The following FOXN2 variants were observed in gnomAD, a reference collection of about 807,000 sequenced individuals.
FOXN2 encodes forkhead box N2, also known as forkhead box protein N2.
In FOXN2, 19 loss-of-function variants were observed where a neutral mutation model predicts 41.2. That is an observed-to-expected ratio of 0.46 (90% CI 0.32 to 0.68). The LOEUF (loss-of-function observed/expected upper bound fraction) is 0.68. FOXN2 is among the 30% of genes least tolerant of loss of function. The pLI is 0.03. For missense variants in FOXN2, 587 were observed against 509.4 expected, an observed-to-expected ratio of 1.15 and a Z score of -1.47; for synonymous variants, 195 against 176.8, an observed-to-expected ratio of 1.10 and a Z score of -0.82.
intron 5 of FOXN2, among the ~76,000 whole-genome samples, chr2:48,367,156 A>G (rs1424990976): frequency 6.6e-6 from 1 of 152,190 alleles, no homozygotes; most frequent in Non-Finnish European, 1.5e-5. Context: ...ATTGTATAAT[A>G]GATAGCAGGA....
At chr2:48,371,692 A>T (rs773303924) in intron 5 of FOXN2, among the ~76,000 whole-genome samples, 43 of 152,076 alleles carry the variant, frequency 2.8e-4, no homozygotes, top group Admixed American at 1.6e-3. Flanking sequence ...TGGAGGTAGT[A>T]TTGTCATTTT....
At chr2:48,333,051 G>A (rs185973988) in intron 2 of FOXN2, among the ~76,000 whole-genome samples, 1 of 151,798 alleles carries the variant, frequency 6.6e-6, no homozygotes, top group Admixed American at 6.6e-5. Flanking sequence ...CAAATATATT[G>A]CCTCCTCAAG....
chr2:48,353,800 C>A (rs549366687), intron 3 of FOXN2, among the ~76,000 whole-genome samples: 2 of 151,754 alleles, frequency 1.3e-5, no homozygotes, highest in Non-Finnish European at 2.9e-5. Flanking sequence ...AATTGATCTC[C>A]CTTTATTCTT....
chr2:48,348,163 A>G (rs904343818), intron 3 of FOXN2, among the ~76,000 whole-genome samples: 2 of 151,576 alleles, frequency 1.3e-5, no homozygotes, highest in Middle Eastern at 3.4e-3. Context: ...CCTCACTCCT[A>G]CTTTTAGGAC....
intron 2 of FOXN2, among the ~76,000 whole-genome samples, chr2:48,335,236 A>C (rs1558618106): frequency 6.6e-6 from 1 of 152,232 alleles, no homozygotes; most frequent in Non-Finnish European, 1.5e-5. Context: ...TTAAAAATGA[A>C]GAAAAGAGCA....
At chr2:48,334,793 A>T (rs75233442) in intron 2 of FOXN2, among the ~76,000 whole-genome samples, 2,742 of 152,248 alleles carry the variant, frequency 0.018, 82 homozygotes, top group African/African-American at 0.062. Flanking sequence ...TTGGAGCCCC[A>T]TTGTACTGTA....
chr2:48,349,499 C>T (rs1443232670), intron 3 of FOXN2, among the ~76,000 whole-genome samples: 2 of 151,196 alleles, frequency 1.3e-5, no homozygotes, highest in Admixed American at 6.6e-5. Flanking sequence ...ATAAGCTGGA[C>T]GTGGTGGCTC....
rs576079323 is a variant in FOXN2, at chr2:48,358,451, G to A, written c.538-596G>A. Reference sequence around the variant, plus strand: ...TAAATGATTTGCCCAATATCACATAGCCAGTCAATAAGTAGTGATCGGGAC... The same window carrying A: ...TAAATGATTTGCCCAATATCACATAACCAGTCAATAAGTAGTGATCGGGAC... On this transcript the variant is annotated intron_variant, in intron 3 of 6. Coordinates refer to ENST00000340553, the MANE Select transcript of FOXN2 (RefSeq NM_002158.4). Among the ~76,000 whole-genome samples, 6 of 152,206 alleles carry A rather than the reference G, an allele frequency of 3.9e-5. No individual in the cohort carries two copies. In the South Asian group the frequency reaches 1.2e-3, roughly 32 times the overall value.
At chr2:48,337,539 C>CA (rs1480494665) in intron 2 of FOXN2, among the ~76,000 whole-genome samples, 1 of 152,006 alleles carries the variant, frequency 6.6e-6, no homozygotes. Flanking sequence ...CTCCTGATCT[C>CA]AAATGACCCG....
At position 48,373,371 on chromosome 2, in the gene FOXN2, A is replaced by G. The variant is rs750507718; in HGVS notation, c.772+11A>G. On this transcript the variant is annotated intron_variant, in intron 6 of 6. Transcript: ENST00000340553. ...AAGGAATTTTAGAATGTAAGTAATCATGCCTTTTTTAAAAAAAAATTTTAG... is the reference window on the plus strand; with the variant it reads ...AAGGAATTTTAGAATGTAAGTAATCGTGCCTTTTTTAAAAAAAAATTTTAG... 7.1e-6 allele frequency: 11 copies of G among 1,538,496 alleles called. No individual in the cohort carries two copies. The South Asian group carries it at 1.3e-4, about 18-fold the overall frequency.
At chr2:48,359,976 A>G (rs1170005874) in intron 4 of FOXN2, among the ~76,000 whole-genome samples, 2 of 152,082 alleles carry the variant, frequency 1.3e-5, no homozygotes, top group Non-Finnish European at 2.9e-5. Flanking sequence ...TAATATTTGA[A>G]AAGTATGTTC....
intron 5 of FOXN2, among the ~76,000 whole-genome samples, chr2:48,370,825 T>C (rs1262098827): frequency 6.6e-6 from 1 of 152,192 alleles, no homozygotes; most frequent in Non-Finnish European, 1.5e-5. Flanking sequence ...TATTTTTGCT[T>C]TTGTTACCTA....
At position 48,346,358 on chromosome 2, in the gene FOXN2, C is replaced by T; in HGVS notation, c.144C>T (p.Asp48=). 1 of 1,614,208 alleles carries T rather than the reference C, an allele frequency of 6.2e-7. No homozygotes were observed. Among genetic ancestry groups the T allele is most frequent in the Non-Finnish European group, 8.5e-7 (1 of 1,180,024 alleles). The change falls in exon 3 of 7, where the codon GAC becomes GAT. Residue 48 remains aspartate (D), a synonymous_variant. Coordinates refer to ENST00000340553, the MANE Select transcript of FOXN2 (RefSeq NM_002158.4). ...DAARPKATLV[D]SESADDELTN... Reference sequence around the variant, plus strand: ...CCAGGCCGAAGGCCACTCTAGTGGACAGTGAGTCAGCAGATGATGAACTCA... The same window carrying T: ...CCAGGCCGAAGGCCACTCTAGTGGATAGTGAGTCAGCAGATGATGAACTCA...
intron 1 of FOXN2, among the ~76,000 whole-genome samples, chr2:48,315,169 G>C (rs1049568179): frequency 1.1e-4 from 17 of 152,154 alleles, no homozygotes; most frequent in African/African-American, 4.1e-4. Flanking sequence ...GCGTGGAGGG[G>C]GCCCCAAGGA....
upstream of FOXN2, among the ~76,000 whole-genome samples, chr2:48,313,929 C>G (rs1409201940): frequency 6.6e-6 from 1 of 152,160 alleles, no homozygotes; most frequent in Non-Finnish European, 1.5e-5. Context: ...TGTGGCAAAG[C>G]TATGTTATTA....
chr2:48,314,201 A>C (rs905991889), upstream of FOXN2, among the ~76,000 whole-genome samples: 1 of 152,256 alleles, frequency 6.6e-6, no homozygotes, highest in African/African-American at 2.4e-5. Flanking sequence ...AGGTCTCCTC[A>C]GCCCGGGCAC....
At chr2:48,355,888 T>C (rs1239660920) in intron 3 of FOXN2, among the ~76,000 whole-genome samples, 1 of 152,212 alleles carries the variant, frequency 6.6e-6, no homozygotes, top group Non-Finnish European at 1.5e-5. Context: ...TATTTGTCTC[T>C]GGATTTTAAA....
At chr2:48,373,394 T>G (rs769403719) in intron 6 of FOXN2, 34 bp downstream of exon 6, 35 of 1,294,100 alleles carry the variant, frequency 2.7e-5, no homozygotes, top group Non-Finnish European at 3.6e-5. Flanking sequence ...AAAAAAATTT[T>G]AGTGCCTTTT....
intron 3 of FOXN2, among the ~76,000 whole-genome samples, chr2:48,348,126 T>C (rs1288696027): frequency 6.6e-6 from 1 of 152,204 alleles, no homozygotes; most frequent in Non-Finnish European, 1.5e-5. Context: ...AAATTTTTGC[T>C]CATTATCTCT....
Sources: gnomAD v4.1 joint callset for allele counts (sites outside exome capture counted in the v4.1 genomes callset) on GRCh38, gnomAD v4.1.1 for gene constraint, MANE v1.5 for transcripts, NCBI Gene and HGNC (gene_info 2026-07-23, HGNC 2026-07-21) for gene names.